DAB1: variants seen among roughly 807,000 people sequenced by gnomAD.
DAB1 encodes the protein disabled homolog 1.
In DAB1, 15 loss-of-function variants were observed where a neutral mutation model predicts 64.6. That is an observed-to-expected ratio of 0.23 (90% CI 0.16 to 0.36). The LOEUF (loss-of-function observed/expected upper bound fraction) is 0.36, where lower values mean the gene tolerates loss of function less well. Ranked by LOEUF, DAB1 falls within the 10% of genes least tolerant of loss-of-function variation. The pLI is 1.00. For synonymous variants in DAB1, 235 were observed against 251.9 expected (o/e 0.93, Z 0.64); for missense variants, 596 against 706.7 (o/e 0.84, Z 1.78).
intron 5 of DAB1, among the ~76,000 whole-genome samples, chr1:57,994,651 C>T (rs148839189): frequency 2.4e-3 from 360 of 152,252 alleles, no homozygotes; most frequent in African/African-American, 8.1e-3. Flanking sequence ...GGGCATTATT[C>T]GGATGGAATA....
intron 2 of DAB1, among the ~76,000 whole-genome samples, chr1:57,164,721 C>T (rs1213373474): frequency 6.6e-6 from 1 of 152,072 alleles, no homozygotes; most frequent in East Asian, 1.9e-4. Context: ...AAGAAGTGAC[C>T]ACAGAGAGAA....
intron 1 of DAB1, among the ~76,000 whole-genome samples, chr1:57,311,292 T>G (rs1311932375): frequency 6.6e-6 from 1 of 152,108 alleles, no homozygotes; most frequent in Admixed American, 6.5e-5. Flanking sequence ...CAAAGCTCAA[T>G]CTGAAGGTGG....
intron 5 of DAB1, among the ~76,000 whole-genome samples, chr1:58,149,894 T>C (rs1654825219): frequency 6.6e-6 from 1 of 152,332 alleles, no homozygotes; most frequent in South Asian, 2.1e-4. Flanking sequence ...AAAAAACTTC[T>C]TTTATAATGA....
chr1:58,430,130 T>G (rs1644856552), intron 3 of DAB1, among the ~76,000 whole-genome samples: 1 of 152,186 alleles, frequency 6.6e-6, no homozygotes, highest in Non-Finnish European at 1.5e-5. Flanking sequence ...GGTTAGAATT[T>G]GCAGGGGGCA....
At chr1:57,214,288 G>A (rs1666244001) in intron 2 of DAB1, among the ~76,000 whole-genome samples, 1 of 152,110 alleles carries the variant, frequency 6.6e-6, no homozygotes, top group South Asian at 2.1e-4. Context: ...AGTCCTCATG[G>A]CCTAATCACC....
chr1:57,943,499 C>T (rs980220892), intron 5 of DAB1, among the ~76,000 whole-genome samples: 3 of 152,128 alleles, frequency 2.0e-5, no homozygotes, highest in Non-Finnish European at 4.4e-5. Flanking sequence ...ATTGGCCTTG[C>T]CCTCTAAATA....
chr1:57,847,575 G>A (rs1436948657), intron 1 of DAB1, among the ~76,000 whole-genome samples: 2 of 152,060 alleles, frequency 1.3e-5, no homozygotes, highest in Non-Finnish European at 2.9e-5. Context: ...TATTTATCAA[G>A]TATACAAAAC....
intron 4 of DAB1, among the ~76,000 whole-genome samples, chr1:58,276,042 G>C (rs1225605479): frequency 6.6e-6 from 1 of 152,166 alleles, no homozygotes; most frequent in Non-Finnish European, 1.5e-5. Context: ...TTTATGCTAA[G>C]TGAAATAAGC....
chr1:58,033,382 G>GCA (rs774371137), intron 5 of DAB1, among the ~76,000 whole-genome samples: 95 of 152,252 alleles, frequency 6.2e-4, no homozygotes, highest in Non-Finnish European at 7.1e-4. Flanking sequence ...TATCAGATAA[G>GCA]CACCATACAA....
intron 7 of DAB1, among the ~76,000 whole-genome samples, chr1:57,484,886 T>C (rs560734397): frequency 6.6e-6 from 1 of 152,284 alleles, no homozygotes; most frequent in South Asian, 2.1e-4. Context: ...GGTGAACAAG[T>C]TGCCTCAAAA....
intron 6 of DAB1, among the ~76,000 whole-genome samples, chr1:57,743,235 T>C (rs531826351): frequency 6.6e-6 from 1 of 152,164 alleles, no homozygotes; most frequent in South Asian, 2.1e-4. Context: ...GAAGTAAAAA[T>C]AGCCTTAACT....
At chr1:57,053,563 A>G (rs1649404939) in intron 9 of DAB1, among the ~76,000 whole-genome samples, 1 of 151,414 alleles carries the variant, frequency 6.6e-6, no homozygotes, top group African/African-American at 2.4e-5. Context: ...TGTCATTAAA[A>G]GGAAATTAAT....
chr1:57,439,423 T>TTTTTTTTGTTTTTTTTTG (rs1558381316), intron 7 of DAB1, among the ~76,000 whole-genome samples: 20 of 117,184 alleles, frequency 1.7e-4, no homozygotes, highest in East Asian at 4.8e-4. Context: ...ATGAGGTTTT[T>TTTTTTTTGTTTTTTTTTG]TCTTTTTTTT....
intron 2 of DAB1, among the ~76,000 whole-genome samples, chr1:57,260,995 C>T (rs1015139809): frequency 3.3e-5 from 5 of 152,100 alleles, no homozygotes; most frequent in African/African-American, 9.7e-5. Context: ...ATTTATCTCC[C>T]GCATTTAATG....
At chr1:57,963,318 G>C (rs1166252691) in intron 5 of DAB1, among the ~76,000 whole-genome samples, 1 of 152,128 alleles carries the variant, frequency 6.6e-6, no homozygotes. Flanking sequence ...AGAGTGACCT[G>C]GTCACATATG....
intron 6 of DAB1, among the ~76,000 whole-genome samples, chr1:57,695,726 C>G (rs186871310): frequency 3.9e-5 from 6 of 152,200 alleles, no homozygotes; most frequent in African/African-American, 1.4e-4. Flanking sequence ...TAGTGAAACC[C>G]CTGTCTCTAC....
At chr1:57,013,962 T>TACGCTTGCC (rs1646342983) in intron 12 of DAB1, among the ~76,000 whole-genome samples, 2 of 152,158 alleles carry the variant, frequency 1.3e-5, no homozygotes, top group Non-Finnish European at 2.9e-5. Context: ...AAACTGAGTC[T>TACGCTTGCC]CAGAGAAGTC....
rs553234166 is a variant in DAB1, at chr1:57,715,061, A to G, written n.552-65396T>C. On this transcript the variant is annotated intron_variant and non_coding_transcript_variant, in intron 6 of 20. Transcript: ENST00000485760. ...ACTAGCAAACCAAATTAAACAATAC[A>G]TTAAAAAGATCATTTACCATGATCA... Among the ~76,000 whole-genome samples the G allele has an allele frequency of 4.6e-5, 7 of 152,318 alleles. No homozygotes were observed. The South Asian group carries it at 1.5e-3, about 32-fold the overall frequency.
intron 9 of DAB1, among the ~76,000 whole-genome samples, chr1:57,029,187 CAATGT>C (rs2100412705): frequency 6.6e-6 from 1 of 152,262 alleles, no homozygotes; most frequent in Non-Finnish European, 1.5e-5. Context: ...TGAAAGGGAC[CAATGT>C]ACAGCTCAGG....
Sources: allele counts gnomAD v4.1 joint callset (sites outside exome capture counted in the v4.1 genomes callset), GRCh38; gene constraint gnomAD v4.1.1; transcripts MANE v1.5; gene names NCBI Gene and HGNC (gene_info 2026-07-23, HGNC 2026-07-21).